Variants in CSNK2A2 observed in about 807,000 individuals in gnomAD.
CSNK2A2 encodes casein kinase 2 alpha 2.
Under a neutral mutation model 54.0 loss-of-function variants are expected in CSNK2A2, and 8 were observed. The ratio of observed to expected loss-of-function variants is 0.15; its 90% CI spans 0.09 to 0.27. The LOEUF (loss-of-function observed/expected upper bound fraction) is 0.27. Among genes scored for constraint, CSNK2A2 ranks in the 10% least tolerant of loss-of-function variants. The pLI is 1.00. For missense variants in CSNK2A2, 242 were observed against 439.4 expected, an observed-to-expected ratio of 0.55 and a Z score of 4.02; for synonymous variants, 141 against 153.9, an observed-to-expected ratio of 0.92 and a Z score of 0.62.
At chr16:58,167,582 A>G in intron 7 of CSNK2A2, 103 bp downstream of exon 7, 1 of 868,006 alleles carries the variant, frequency 1.2e-6, no homozygotes, top group Non-Finnish European at 1.8e-6. Flanking sequence ...GGGTGAAATA[A>G]TGGCTGGGTT....
In CSNK2A2 at chr16:58,158,180, C is replaced by T. The variant is rs1019074204; in HGVS notation, c.*191G>A. The T allele has an allele frequency of 6.6e-6, 1 of 152,622 alleles. No homozygotes were observed. The highest frequency in any genetic ancestry group is 2.4e-5 in the African/African-American group (1 of 41,440). The allele number at this position is 152,622 out of a possible 1,614,324, so 9.5% of individuals were successfully genotyped here. On this transcript the variant is annotated 3_prime_UTR_variant, in exon 12 of 12. Transcript: ENST00000262506. ...CAAAGGCAAGTGAGCCTTTTACATT[C>T]GGAAGTGAGGTTTGATATACGGTGG...
intron 4 of CSNK2A2, among the ~76,000 whole-genome samples, chr16:58,175,162 CT>C (rs1961844308): frequency 6.6e-6 from 1 of 152,178 alleles, no homozygotes; most frequent in African/African-American, 2.4e-5. Context: ...AAAATGATCA[CT>C]GGCCAAACTG....
chr16:58,165,997 T>G (rs781705000), intron 9 of CSNK2A2, among the ~76,000 whole-genome samples: 1 of 152,224 alleles, frequency 6.6e-6, no homozygotes, highest in Non-Finnish European at 1.5e-5. Flanking sequence ...CAATTCTGGG[T>G]GGCATGCAGA....
intron 6 of CSNK2A2, 130 bp downstream of exon 6, chr16:58,168,480 G>A (rs1216666983): frequency 1.3e-5 from 8 of 638,062 alleles, no homozygotes; most frequent in Non-Finnish European, 2.2e-5. Flanking sequence ...GGAGATGGGA[G>A]AAATCACAGT....
At chr16:58,174,980 T>C (rs1212008361) in intron 4 of CSNK2A2, among the ~76,000 whole-genome samples, 1 of 152,026 alleles carries the variant, frequency 6.6e-6, no homozygotes, top group African/African-American at 2.4e-5. Context: ...CACAGGCTGT[T>C]CTCAAAAAAG....
intron 5 of CSNK2A2, among the ~76,000 whole-genome samples, chr16:58,171,467 G>A (rs939131730): frequency 6.6e-6 from 1 of 152,000 alleles, no homozygotes; most frequent in African/African-American, 2.4e-5. Flanking sequence ...AGGTTGCAGT[G>A]AGCCGAGATC....
At chr16:58,175,299 T>C (rs1306550029) in intron 4 of CSNK2A2, among the ~76,000 whole-genome samples, 13 of 152,202 alleles carry the variant, frequency 8.5e-5, no homozygotes, top group Non-Finnish European at 1.5e-5. Flanking sequence ...TAAACCCTTG[T>C]CAGGAACTCT....
At chr16:58,163,921 C>CA (rs1961482126) in intron 11 of CSNK2A2, 133 bp downstream of exon 11, 5 of 685,406 alleles carry the variant, frequency 7.3e-6, no homozygotes, top group Non-Finnish European at 1.2e-5. Context: ...TGCTTTTTGA[C>CA]AGACTTTTAG....
intron 5 of CSNK2A2, among the ~76,000 whole-genome samples, chr16:58,171,979 A>ATATATATATATATT (rs1261137669): frequency 1.5e-5 from 1 of 66,186 alleles, no homozygotes; most frequent in Admixed American, 1.9e-4. Context: ...ATATATATAT[A>ATATATATATATATT]TTTTTTTTTT....
chr16:58,161,891 C>T (rs1482929550), intron 11 of CSNK2A2: 1 of 152,262 alleles, frequency 6.6e-6, no homozygotes, highest in Non-Finnish European at 1.5e-5. Context: ...AGTTACAAAA[C>T]CCCAGGACAA....
chr16:58,195,505 C>G (rs1313074681), intron 2 of CSNK2A2, among the ~76,000 whole-genome samples: 1 of 151,956 alleles, frequency 6.6e-6, no homozygotes, highest in Non-Finnish European at 1.5e-5. Flanking sequence ...TTTTCTAGTC[C>G]ACAGAACCTC....
chr16:58,168,744 C>G, intron 5 of CSNK2A2, 51 bp from the exon 6 acceptor site: 4 of 1,363,708 alleles, frequency 2.9e-6, no homozygotes, highest in Non-Finnish European at 4.2e-6. Context: ...CTACCATCCC[C>G]CAACGCAAGC....
In CSNK2A2 at chr16:58,186,746, G is replaced by C. The variant is rs1193446423; in HGVS notation, c.318+9C>G. The stretch of plus-strand genomic sequence containing the variant: ...TACTAGTATACTCCCCCAACCATTT[G>C]GCACCTACCACGGGGTCCTTTACAG... On this transcript the variant is annotated intron_variant, in intron 3 of 11. Transcript: ENST00000262506. 6.2e-7 allele frequency: 1 copy of C among 1,609,312 alleles called. No homozygotes were observed. The highest frequency in any genetic ancestry group is 1.7e-5 in the Admixed American group (1 of 59,886).
chr16:58,186,948 CG>C (rs781750155), intron 2 of CSNK2A2, 92 bp from the exon 3 acceptor site: 32 of 973,480 alleles, frequency 3.3e-5, no homozygotes, highest in Non-Finnish European at 4.9e-5. Flanking sequence ...ATGGATAGTA[CG>C]CTATCTTGTA....
Position 58,167,223 on chromosome 16 carries a change from T to C in CSNK2A2, c.710A>G (p.Gln237Arg). 1 of 1,612,408 alleles carries C rather than the reference T, an allele frequency of 6.2e-7. No homozygotes were observed. Among genetic ancestry groups the C allele is most frequent in the South Asian group, 1.1e-5 (1 of 90,708 alleles). ...IFRREPFFHG[Q>R]DNYDQLVRIA... is the part of the protein sequence containing the mutation. Reference sequence around the variant, plus strand: ...TTTGCTCACCTGGTCATAGTTGTCCTGTCCATGGAAGAATGGTTCCCTTCG... The same window carrying C: ...TTTGCTCACCTGGTCATAGTTGTCCCGTCCATGGAAGAATGGTTCCCTTCG... The change falls in exon 8 of 12, where the codon CAG (glutamine) becomes CGG (arginine). Residue 237 changes from glutamine to arginine, a missense_variant. Gln to Arg is a conservative substitution (Grantham distance 43). Around this residue, in one of 5 missense-constraint regions of CSNK2A2, gnomAD observed 40 missense variants for 128.7 expected, o/e 0.31. Coordinates refer to ENST00000262506, the MANE Select transcript of CSNK2A2 (RefSeq NM_001896.4).
chr16:58,170,962 CTCT>C (rs1474571007), intron 5 of CSNK2A2, among the ~76,000 whole-genome samples: 1 of 152,072 alleles, frequency 6.6e-6, no homozygotes, highest in Non-Finnish European at 1.5e-5. Context: ...CAATGAAATA[CTCT>C]TCAAGTAGAA....
chr16:58,175,088 G>C (rs1961841767), intron 4 of CSNK2A2, among the ~76,000 whole-genome samples: 1 of 152,104 alleles, frequency 6.6e-6, no homozygotes, highest in African/African-American at 2.4e-5. Flanking sequence ...TTCCAGACTG[G>C]AAAAAAAGAA....
At chr16:58,187,520 C>T (rs1298510657) in intron 2 of CSNK2A2, among the ~76,000 whole-genome samples, 1 of 152,164 alleles carries the variant, frequency 6.6e-6, no homozygotes, top group Non-Finnish European at 1.5e-5. Flanking sequence ...TTTCAGTCTG[C>T]TGGAAAGATT....
rs1277481768 is a variant in CSNK2A2, at chr16:58,167,189, C to A, written c.726+18G>T. 9.5e-6 allele frequency: 15 copies of A among 1,584,230 alleles called. No individual in the cohort carries two copies. Among genetic ancestry groups the A allele is most frequent in the Admixed American group, 1.8e-5 (1 of 55,912 alleles). On this transcript the variant is annotated intron_variant, in intron 8 of 11. Transcript: ENST00000262506. ...CATTCACCCCCAAATAAATAAGAAC[C>A]AGAAAGCATTTGCTCACCTGGTCAT... is the stretch of plus-strand genomic sequence containing the variant.
Sources: allele counts gnomAD v4.1 joint callset (sites outside exome capture counted in the v4.1 genomes callset), GRCh38; gene constraint gnomAD v4.1.1; regional missense constraint gnomAD v4.1.1; transcripts MANE v1.5; gene names NCBI Gene and HGNC (gene_info 2026-07-23, HGNC 2026-07-21).